The following BZW2 variants were observed in gnomAD, a reference collection of about 807,000 sequenced individuals.
BZW2 encodes the protein eIF5-mimic protein 1.
BZW2 carries 23 observed loss-of-function variants against 53.2 expected under a neutral mutation model. The ratio of observed to expected loss-of-function variants is 0.43; its 90% CI spans 0.31 to 0.61. The LOEUF is 0.61. Ranked by LOEUF, BZW2 falls within the 20% of genes least tolerant of loss-of-function variation. The pLI, the probability that BZW2 is intolerant of heterozygous loss-of-function variation, is 0.09. For synonymous variants in BZW2, 227 were observed against 186.4 expected, an observed-to-expected ratio of 1.22 and a Z score of -1.77; for missense variants, 409 against 503.1, an observed-to-expected ratio of 0.81 and a Z score of 1.79.
Position 16,698,066 on chromosome 7 carries a change from G to T in BZW2, c.988G>T (p.Ala330Ser). ...GTTCTAGCAATATGCTCCCCTGCTG[G>T]CCGTGTTCAGCTCCCAAGGCCAGTC... ...KHLKQYAPLL[A>S]VFSSQGQSEL... is the part of the protein sequence containing the mutation. Residue 330 changes from alanine to serine, a missense_variant, in exon 10 of 12, where the codon GCC becomes TCC. Ala to Ser is a moderately conservative substitution (Grantham distance 99). This residue lies in a region of BZW2 where 88 missense variants were observed against 114.6 expected (regional missense o/e 0.77). Transcript: ENST00000258761. 6.2e-7 allele frequency: 1 copy of T among 1,614,102 alleles called. No homozygotes were observed. Among genetic ancestry groups the T allele is most frequent in the Non-Finnish European group, 8.5e-7 (1 of 1,179,984 alleles).
chr7:16,647,822 G>A (rs2128348792), intron 1 of BZW2, among the ~76,000 whole-genome samples: 1 of 152,324 alleles, frequency 6.6e-6, no homozygotes, highest in Non-Finnish European at 1.5e-5. Context: ...CTTACCAGCA[G>A]ATGCATACAC....
rs1428096801 is a variant in BZW2, at chr7:16,686,060, C to A, written c.541+20C>A. 1 of 1,610,844 alleles carries A rather than the reference C, an allele frequency of 6.2e-7. No individual in the cohort carries two copies. Among genetic ancestry groups the A allele is most frequent in the East Asian group, 2.2e-5 (1 of 44,822 alleles). ...AAGAAGGTAACGAGGCTCCTGTTTT[C>A]TCGCCTGTCAGACAACAAAAGAAAA... On this transcript the variant is annotated intron_variant, in intron 6 of 11. Coordinates refer to ENST00000258761, the MANE Select transcript of BZW2 (RefSeq NM_014038.3).
intron 1 of BZW2, among the ~76,000 whole-genome samples, chr7:16,654,862 G>T (rs1187620950): frequency 6.6e-6 from 1 of 152,072 alleles, no homozygotes; most frequent in South Asian, 2.1e-4. Context: ...GTGTTTAAGT[G>T]TGAACAGTGG....
chr7:16,695,251 C>G (rs1008942166), intron 8 of BZW2, among the ~76,000 whole-genome samples: 1 of 152,218 alleles, frequency 6.6e-6, no homozygotes, highest in African/African-American at 2.4e-5. Context: ...TTTTACCAGG[C>G]TGCTATGATT....
At chr7:16,664,666 G>A (rs1195448369) in intron 1 of BZW2, among the ~76,000 whole-genome samples, 1 of 152,216 alleles carries the variant, frequency 6.6e-6, no homozygotes, top group Non-Finnish European at 1.5e-5. Flanking sequence ...GCTTCGTGGT[G>A]TTCCACTTGG....
chr7:16,690,971 A>C (rs1427513095), intron 7 of BZW2, among the ~76,000 whole-genome samples: 1 of 152,184 alleles, frequency 6.6e-6, no homozygotes, highest in Non-Finnish European at 1.5e-5. Flanking sequence ...AATGTGTTTC[A>C]GTGTGCAAGG....
intron 10 of BZW2, among the ~76,000 whole-genome samples, chr7:16,703,626 T>C (rs1172939901): frequency 6.6e-6 from 1 of 152,164 alleles, no homozygotes; most frequent in Non-Finnish European, 1.5e-5. Context: ...CTGTTTTCTG[T>C]CTCGTTTCCC....
rs1316783398 is a variant in BZW2 at position 16,698,307 on chromosome 7, A to G, written c.1108+121A>G. On this transcript the variant is annotated intron_variant, in intron 10 of 11. Transcript: ENST00000258761. ...GTTTAGAGAGGGACAGCAAGATGCTAATTTGTGAAAGTTTTATTGAGGCAA... is the reference window on the plus strand; with the variant it reads ...GTTTAGAGAGGGACAGCAAGATGCTGATTTGTGAAAGTTTTATTGAGGCAA... The G allele has an allele frequency of 2.2e-6, 3 of 1,343,062 alleles. No individual in the cohort carries two copies. The Admixed American group carries it at 5.6e-5, about 25-fold the overall frequency. The allele number at this position is 1,343,062 out of a possible 1,614,324, so 83.2% of individuals were successfully genotyped here. A position where few individuals can be genotyped will look rare whatever the true frequency, so the allele number is the denominator to read the frequency against.
rs1181944835 is a variant in BZW2, at chr7:16,706,051, C to A, written c.1232-9C>A. Reference sequence around the variant, plus strand: ...GGAGGAAATATCTCACTTCTTTCTTCTCTCCTAGAATCCGAATCGGAAGGT... The same window carrying A: ...GGAGGAAATATCTCACTTCTTTCTTATCTCCTAGAATCCGAATCGGAAGGT... On this transcript the variant is annotated splice_polypyrimidine_tract_variant and intron_variant, in intron 11 of 11. Coordinates refer to ENST00000258761, the MANE Select transcript of BZW2 (RefSeq NM_014038.3). 1 of 1,613,506 alleles carries A rather than the reference C, an allele frequency of 6.2e-7. No individual in the cohort carries two copies.
intron 8 of BZW2, among the ~76,000 whole-genome samples, 191 bp from the exon 9 acceptor site, chr7:16,696,724 T>A (rs556727146): frequency 1.3e-5 from 2 of 150,994 alleles, no homozygotes; most frequent in Non-Finnish European, 3.0e-5. Context: ...GGACTAAAAA[T>A]AAATTTGCTT....
At position 16,668,031 on chromosome 7, in the gene BZW2, C is replaced by G. The variant is rs181155348; in HGVS notation, c.58+2530C>G. On this transcript the variant is annotated intron_variant, in intron 2 of 11. Transcript: ENST00000258761. ...AGTAATGACCAATATAGTTCAGAAACCTAATTACAGTGAAGGTATTGTGGA... is the reference window on the plus strand; with the variant it reads ...AGTAATGACCAATATAGTTCAGAAAGCTAATTACAGTGAAGGTATTGTGGA... Among the ~76,000 whole-genome samples, 687 of 152,272 alleles carry G rather than the reference C, an allele frequency of 4.5e-3. 10 individuals are homozygous for G. The highest frequency in any genetic ancestry group is 0.022 in the Admixed American group (343 of 15,302).
At position 16,665,517 on chromosome 7, in the gene BZW2, G is replaced by C. The variant is rs766945963; in HGVS notation, c.58+16G>C. ...CGGAAAAGGGGTAGGTTGTGTGTGT[G>C]TGTGTGTGTGTGTTTAAAGTTGTAA... On this transcript the variant is annotated intron_variant, in intron 2 of 11. Coordinates refer to ENST00000258761, the MANE Select transcript of BZW2 (RefSeq NM_014038.3). 2 of 1,612,584 alleles carry C rather than the reference G, an allele frequency of 1.2e-6. No homozygotes were observed. Among genetic ancestry groups the C allele is most frequent in the Non-Finnish European group, 1.7e-6 (2 of 1,178,830 alleles).
chr7:16,704,847 A>G (rs1156378650), intron 11 of BZW2, among the ~76,000 whole-genome samples, 178 bp downstream of exon 11: 2 of 152,236 alleles, frequency 1.3e-5, no homozygotes, highest in Non-Finnish European at 2.9e-5. Context: ...GGCAATAAAA[A>G]TCTCTACATG....
chr7:16,648,178 G>A (rs545122220), intron 1 of BZW2, among the ~76,000 whole-genome samples: 28 of 152,340 alleles, frequency 1.8e-4, no homozygotes, highest in African/African-American at 5.8e-4. Flanking sequence ...AATATTTAAT[G>A]TAGGGATAAG....
chr7:16,663,662 G>A (rs1394110322), intron 1 of BZW2, among the ~76,000 whole-genome samples: 1 of 152,042 alleles, frequency 6.6e-6, no homozygotes, highest in African/African-American at 2.4e-5. Context: ...TTTATTGTTT[G>A]ATGGTATAAG....
rs193278945 is a variant in BZW2 at position 16,681,097 on chromosome 7, G to A, written c.236-204G>A. On this transcript the variant is annotated intron_variant, in intron 3 of 11. Coordinates refer to ENST00000258761, the MANE Select transcript of BZW2 (RefSeq NM_014038.3). The stretch of plus-strand genomic sequence containing the variant: ...ATTGTCACAGCCTGGGTGACAGAGT[G>A]TGACTCCATCTCAAAAAAAAGGAAA... 7.6e-4 allele frequency among the ~76,000 whole-genome samples: 116 copies of A among 152,192 alleles called. 1 individual carries two copies. Among genetic ancestry groups the A allele is most frequent in the African/African-American group, 2.6e-3 (108 of 41,540 alleles).
intron 1 of BZW2, among the ~76,000 whole-genome samples, chr7:16,665,034 G>A (rs1290932010): frequency 2.6e-5 from 4 of 152,214 alleles, no homozygotes; most frequent in East Asian, 1.9e-4. Flanking sequence ...TATTTATGCC[G>A]GGCGCCGTGG....
rs1583742642 is a variant in BZW2, at chr7:16,690,224, A to T, written c.651+318A>T. Among the ~76,000 whole-genome samples, 3 of 149,806 alleles carry T rather than the reference A, an allele frequency of 2.0e-5. No individual in the cohort carries two copies. In the South Asian group the frequency reaches 6.3e-4, roughly 32 times the overall value. Reference sequence around the variant, plus strand: ...CTTTTTTACTTTTTTTTTTTTTGAGACAGAGTCTGGCTCTGTCACCCAGGC... The same window carrying T: ...CTTTTTTACTTTTTTTTTTTTTGAGTCAGAGTCTGGCTCTGTCACCCAGGC... On this transcript the variant is annotated intron_variant, in intron 7 of 11. Transcript: ENST00000258761.
At chr7:16,705,684 C>CAAAAAAAAA (rs1180087983) in intron 11 of BZW2, among the ~76,000 whole-genome samples, 1 of 53,874 alleles carries the variant, frequency 1.9e-5, no homozygotes, top group African/African-American at 6.1e-5. Context: ...GACTCCATCT[C>CAAAAAAAAA]AAAAAAAAAA....
Sources: allele counts gnomAD v4.1 joint callset (sites outside exome capture counted in the v4.1 genomes callset), GRCh38; gene constraint gnomAD v4.1.1; regional missense constraint gnomAD v4.1.1; transcripts MANE v1.5; gene names NCBI Gene and HGNC (gene_info 2026-07-23, HGNC 2026-07-21).